Variants in SUMF1 observed in about 807,000 individuals in gnomAD.
SUMF1 encodes the protein sulfatase modifying factor 1, also known as formylglycine-generating enzyme.
A neutral mutation model predicts 47.6 loss-of-function variants in SUMF1; 48 were observed. That is an observed-to-expected ratio of 1.01 (90% confidence interval 0.80 to 1.28). SUMF1 has a LOEUF of 1.28. Among genes scored for constraint, SUMF1 ranks in the 50% most tolerant of loss-of-function variants. The pLI, the probability that SUMF1 is intolerant of heterozygous loss-of-function variation, is 0.00. For missense variants in SUMF1, 571 were observed against 485.4 expected, an observed-to-expected ratio of 1.18 and a Z score of -1.66; for synonymous variants, 230 against 192.1, an observed-to-expected ratio of 1.20 and a Z score of -1.63.
At chr3:4,156,937 T>C (rs960514) in intron 8 of SUMF1, among the ~76,000 whole-genome samples, 4,448 of 151,756 alleles carry the variant, frequency 0.029, 360 homozygotes, top group East Asian at 0.18. Flanking sequence ...TATGCAAATG[T>C]ATGCCATCAT....
intron 7 of SUMF1, among the ~76,000 whole-genome samples, chr3:4,377,463 C>G (rs903107656): frequency 2.0e-5 from 3 of 152,212 alleles, no homozygotes. Context: ...GTGGCACAGT[C>G]AGGCAGCCTT....
At chr3:4,297,307 C>A (rs1209570475) in intron 8 of SUMF1, among the ~76,000 whole-genome samples, 1 of 152,154 alleles carries the variant, frequency 6.6e-6, no homozygotes, top group African/African-American at 2.4e-5. Context: ...GGATCAATTA[C>A]CATGCTTCTT....
intron 8 of SUMF1, among the ~76,000 whole-genome samples, chr3:4,283,840 G>C (rs913217657): frequency 6.6e-6 from 1 of 152,102 alleles, no homozygotes; most frequent in Non-Finnish European, 1.5e-5. Flanking sequence ...TTGGCGTCTG[G>C]TAAGGGATCA....
chr3:4,416,390 T>C (rs1324499513), intron 6 of SUMF1, among the ~76,000 whole-genome samples: 1 of 152,200 alleles, frequency 6.6e-6, no homozygotes, highest in Non-Finnish European at 1.5e-5. Context: ...GACAATGTAT[T>C]TGTGGCATAC....
Position 4,095,856 on chromosome 3 carries a change from T to G in SUMF1, c.1015-27111A>C, listed in dbSNP as rs572397047. 4.6e-5 allele frequency among the ~76,000 whole-genome samples: 7 copies of G among 152,286 alleles called. No homozygotes were observed. In the South Asian group the frequency reaches 1.5e-3, roughly 32 times the overall value. ...CAGCTAGTGGTAGATAACTCTGGTATTCACTGAACAAGGGAAAGCAAAATA... is the reference window on the plus strand; with the variant it reads ...CAGCTAGTGGTAGATAACTCTGGTAGTCACTGAACAAGGGAAAGCAAAATA... On this transcript the variant is annotated intron_variant and NMD_transcript_variant, in intron 8 of 12. Transcript: ENST00000448413.
rs180681508 is a variant in SUMF1, at chr3:4,039,459, G to A, written c.1191+29110C>T. On this transcript the variant is annotated intron_variant and NMD_transcript_variant, in intron 9 of 12. Transcript: ENST00000448413. ...CATTGTTCAATTCCCACCTATGAGT[G>A]AGAATATGCGGTGTTTGGTTTTTTG... Among the ~76,000 whole-genome samples the A allele has an allele frequency of 3.8e-3, 425 of 113,072 alleles. 4 individuals carry two copies. Among genetic ancestry groups the A allele is most frequent in the Non-Finnish European group, 5.8e-3 (329 of 57,184 alleles). 74.2% of individuals were successfully genotyped at this position (113,072 alleles called of 152,430 possible).
chr3:4,441,957 T>A (rs926963346), intron 3 of SUMF1, among the ~76,000 whole-genome samples: 6 of 152,052 alleles, frequency 3.9e-5, no homozygotes, highest in Non-Finnish European at 7.4e-5. Flanking sequence ...TGACAAAGTA[T>A]CCTCACCAAA....
chr3:4,367,363 G>A (rs1415316763), intron 8 of SUMF1, among the ~76,000 whole-genome samples: 4 of 152,232 alleles, frequency 2.6e-5, no homozygotes, highest in Non-Finnish European at 5.9e-5. Flanking sequence ...TTGAGCTGTG[G>A]TGGGCTCCAC....
chr3:4,386,637 T>C (rs1048257564), intron 7 of SUMF1, among the ~76,000 whole-genome samples: 1 of 152,092 alleles, frequency 6.6e-6, no homozygotes, highest in African/African-American at 2.4e-5. Flanking sequence ...CCCAGCACTA[T>C]GTTGAATAAG....
intron 8 of SUMF1, chr3:4,303,627 G>C: frequency 2.9e-6 from 4 of 1,394,062 alleles, no homozygotes; most frequent in Non-Finnish European, 3.7e-6. Flanking sequence ...GCGACCTTTT[G>C]TCTTCTCTTA....
At chr3:4,444,209 C>T (rs1702702729) in intron 3 of SUMF1, among the ~76,000 whole-genome samples, 1 of 152,164 alleles carries the variant, frequency 6.6e-6, no homozygotes, top group Non-Finnish European at 1.5e-5. Flanking sequence ...CCAAAGATTT[C>T]ATATCCAGAA....
chr3:4,304,964 CAA>C (rs1162736398), intron 8 of SUMF1, among the ~76,000 whole-genome samples: 3 of 145,576 alleles, frequency 2.1e-5, no homozygotes, highest in Non-Finnish European at 4.5e-5. Flanking sequence ...CGGGGCAACT[CAA>C]AGTGGTGGGG....
intron 7 of SUMF1, among the ~76,000 whole-genome samples, chr3:4,392,753 T>C (rs1343003967): frequency 6.6e-6 from 1 of 151,930 alleles, no homozygotes; most frequent in Non-Finnish European, 1.5e-5. Flanking sequence ...TTTGTTTTGT[T>C]TTGTTTTGGT....
chr3:4,171,866 A>G (rs932572448), intron 8 of SUMF1, among the ~76,000 whole-genome samples: 1 of 152,138 alleles, frequency 6.6e-6, no homozygotes, highest in Admixed American at 6.6e-5. Flanking sequence ...AGGTACCAGA[A>G]GGTGTAGAGA....
At chr3:4,233,846 A>T (rs1696352382) in intron 8 of SUMF1, among the ~76,000 whole-genome samples, 1 of 152,162 alleles carries the variant, frequency 6.6e-6, no homozygotes, top group Non-Finnish European at 1.5e-5. Flanking sequence ...CCCTTCCTCA[A>T]AGTAACAGCA....
rs1700355305 is a variant in SUMF1 at position 4,377,168 on chromosome 3, G to A, written c.955-779C>T. Reference sequence around the variant, plus strand: ...AATAGTTTGCTGATTGAATGAAAGAGTTTGCTTGTTAGCCTTAAAAAAATT... The same window carrying A: ...AATAGTTTGCTGATTGAATGAAAGAATTTGCTTGTTAGCCTTAAAAAAATT... On this transcript the variant is annotated intron_variant, in intron 7 of 8. Coordinates refer to ENST00000272902, the MANE Select transcript of SUMF1 (RefSeq NM_182760.4). 2.0e-5 allele frequency among the ~76,000 whole-genome samples: 3 copies of A among 152,088 alleles called. No homozygotes were observed. The South Asian group carries it at 6.2e-4, about 32-fold the overall frequency.
At chr3:4,353,555 T>C (rs1034421061) in intron 8 of SUMF1, among the ~76,000 whole-genome samples, 6 of 152,202 alleles carry the variant, frequency 3.9e-5, no homozygotes, top group African/African-American at 7.2e-5. Context: ...CCCGGCCTAA[T>C]TTTTTAACAT....
chr3:4,251,300 A>G (rs1269432860), intron 8 of SUMF1, among the ~76,000 whole-genome samples: 1 of 152,206 alleles, frequency 6.6e-6, no homozygotes, highest in Non-Finnish European at 1.5e-5. Flanking sequence ...CTGCAATCTC[A>G]TTATAAAACT....
At position 4,206,447 on chromosome 3, in the gene SUMF1, G is replaced by A. The variant is rs556843388; in HGVS notation, c.1015-137702C>T. Among the ~76,000 whole-genome samples, 8 of 152,112 alleles carry A rather than the reference G, an allele frequency of 5.3e-5. No homozygotes were observed. The South Asian group carries it at 1.7e-3, about 32-fold the overall frequency. On this transcript the variant is annotated intron_variant and NMD_transcript_variant, in intron 8 of 12. Transcript: ENST00000448413. ...GGCTGGTCTAAATACTGCCTCTGTG[G>A]GCACCAGGTGAATTCTGCCCTTCAC...
Sources: gnomAD v4.1 joint callset for allele counts (sites outside exome capture counted in the v4.1 genomes callset) on GRCh38, gnomAD v4.1.1 for gene constraint, MANE v1.5 for transcripts, NCBI Gene and HGNC (gene_info 2026-07-23, HGNC 2026-07-21) for gene names.